NACA: variants seen among roughly 807,000 people sequenced by gnomAD.
The protein encoded by NACA is nascent polypeptide-associated complex subunit alpha.
In NACA, 42 loss-of-function variants were observed where a neutral mutation model predicts 86.4. The ratio of observed to expected loss-of-function variants is 0.49; its 90% CI spans 0.38 to 0.63. The LOEUF (loss-of-function observed/expected upper bound fraction) is 0.63. NACA is among the 20% of genes least tolerant of loss of function. The pLI, the probability that NACA is intolerant of heterozygous loss-of-function variation, is 0.00. For synonymous variants in NACA, 898 were observed against 973.7 expected (o/e 0.92, Z 1.45); for missense variants, 2,157 against 2,483.6 (o/e 0.87, Z 2.80).
Position 56,720,795 on chromosome 12 carries a change from T to C in NACA, c.735A>G (p.Gln245=). 1 of 1,613,864 alleles carries C rather than the reference T, an allele frequency of 6.2e-7. No individual in the cohort carries two copies. Residue 245 remains glutamine (Q), a synonymous_variant, in exon 3 of 9, where the codon CAA becomes CAG. Transcript: ENST00000454682. The part of the protein sequence containing the change: ...PTTTLAIASP[Q]VKDTTISSVL... ...CTGAGGAAATGGTGGTATCTTTGAC[T>C]TGAGGGGAAGCGATGGCTAGGGTAG...
Position 56,712,451 on chromosome 12 carries a change from A to C in NACA, c.*87T>G, listed in dbSNP as rs1398681995. 2.0e-5 allele frequency: 28 copies of C among 1,384,436 alleles called. No individual in the cohort carries two copies. The highest frequency in any genetic ancestry group is 4.0e-6 in the Non-Finnish European group (4 of 989,172). The allele number at this position is 1,384,436 out of a possible 1,614,324, so 85.8% of individuals were successfully genotyped here. On this transcript the variant is annotated 3_prime_UTR_variant, in exon 9 of 9. Transcript: ENST00000454682. ...CTGAATTCATCCAACAAGAAGCCAT[A>C]ACTTTATTTATGATAGAAACAGTAC...
At position 56,719,085 on chromosome 12, in the gene NACA, A is replaced by G; in HGVS notation, c.2445T>C (p.Ala815=). ...GATTTCCAATAGGAGTATCAGGGCC[A>G]GCAGAACCCTTCTTGGTTGGAGGTC... ...TKRPPTKKGS[A]GPDTPIGNLS... is the part of the protein sequence containing the mutation. The change falls in exon 3 of 9, where the codon GCT becomes GCC. Residue 815 remains alanine, a synonymous_variant. Transcript: ENST00000454682. 6.9e-7 allele frequency: 1 copy of G among 1,451,120 alleles called. No homozygotes were observed. The highest frequency in any genetic ancestry group is 9.3e-7 in the Non-Finnish European group (1 of 1,073,830). 89.9% of individuals were successfully genotyped at this position (1,451,120 alleles called of 1,614,324 possible).
At chr12:56,724,561 G>A in intron 1 of NACA, 38 bp from the exon 2 acceptor site, 1 of 1,588,642 alleles carries the variant, frequency 6.3e-7, no homozygotes, top group Non-Finnish European at 8.6e-7. Context: ...TAAATTGATT[G>A]GGATACATTC....
chr12:56,724,241 G>C (rs559439219), intron 2 of NACA, among the ~76,000 whole-genome samples: 5 of 152,280 alleles, frequency 3.3e-5, no homozygotes, highest in Non-Finnish European at 7.4e-5. Context: ...AAGCAAGCTA[G>C]GGTACTTTTA....
intron 1 of NACA, 47 bp downstream of exon 1, chr12:56,725,216 A>C (rs1953684554): frequency 6.6e-6 from 1 of 152,574 alleles, no homozygotes; most frequent in South Asian, 2.1e-4. Flanking sequence ...GCCCGAAAGA[A>C]AGGCGGATGG....
rs755470643 is a variant in NACA at position 56,721,101 on chromosome 12, A to G, written c.429T>C (p.Ala143=). Residue 143 remains alanine (A), a synonymous_variant, in exon 3 of 9, where the codon GCT becomes GCC. Coordinates refer to ENST00000454682, the MANE Select transcript of NACA (RefSeq NM_001365896.1). ...SSAPLALVAL[A]PHSVQKSSAF... is the part of the protein sequence containing the mutation. Reference sequence around the variant, plus strand: ...CAGAACTCTTCTGAACTGAGTGGGGAGCCAGGGCAACCAGAGCTAAGGGAG... The same window carrying G: ...CAGAACTCTTCTGAACTGAGTGGGGGGCCAGGGCAACCAGAGCTAAGGGAG... 6.2e-7 allele frequency: 1 copy of G among 1,613,868 alleles called. No individual in the cohort carries two copies. The highest frequency in any genetic ancestry group is 8.5e-7 in the Non-Finnish European group (1 of 1,179,854).
At position 56,715,942 on chromosome 12, in the gene NACA, G is replaced by A; in HGVS notation, c.5588C>T (p.Pro1863Leu). Residue 1863 changes from proline to leucine, a missense_variant, in exon 3 of 9, where the codon CCC becomes CTC. Pro to Leu is a moderately conservative substitution (Grantham distance 98, BLOSUM62 -3). Coordinates refer to ENST00000454682, the MANE Select transcript of NACA (RefSeq NM_001365896.1). ...AGGGATTCCAGCAGATTTAGGGGTG[G>A]GCATGTTGACGAGGACCGACTGGAA... is the stretch of plus-strand genomic sequence containing the variant. Reference protein sequence around the residue: ...VPFQSVLVNMPTPKSAGIPVP... With the variant: ...VPFQSVLVNMLTPKSAGIPVP... The A allele has an allele frequency of 6.5e-7, 1 of 1,533,664 alleles. No individual in the cohort carries two copies. Among genetic ancestry groups the A allele is most frequent in the Non-Finnish European group, 8.8e-7 (1 of 1,140,196 alleles).
rs766001440 is a variant in NACA, at chr12:56,719,847, C to T, written c.1683G>A (p.Pro561=). The T allele has an allele frequency of 1.4e-5, 23 of 1,613,404 alleles. No homozygotes were observed. Among genetic ancestry groups the T allele is most frequent in the South Asian group, 2.2e-5 (2 of 91,062 alleles). ...LTTKKDPTVL[P]LVQAAPKNSP... Reference sequence around the variant, plus strand: ...AATTTTTAGGGGCTGCCTGGACTAACGGTAATACAGTAGGGTCTTTCTTGG... The same window carrying T: ...AATTTTTAGGGGCTGCCTGGACTAATGGTAATACAGTAGGGTCTTTCTTGG... Residue 561 remains proline (P), a synonymous_variant, in exon 3 of 9, where the codon CCG becomes CCA. Coordinates refer to ENST00000454682, the MANE Select transcript of NACA (RefSeq NM_001365896.1).
chr12:56,724,385 T>C (rs1471876345), intron 2 of NACA, 67 bp downstream of exon 2: 3 of 1,491,666 alleles, frequency 2.0e-6, no homozygotes, highest in African/African-American at 2.8e-5. Flanking sequence ...TTCCCCTTGG[T>C]CATTTTGCCC....
rs370947040 is a variant in NACA, at chr12:56,717,126, T to A, written c.4404A>T (p.Pro1468=). ...TPSSKGDPTL[P]AVTPPSPKEP... ...CCTTGGGGGAAGGAGGAGTCACTGCTGGGAGGGTGGGATCCCCTTTGGAGG... is the reference window on the plus strand; with the variant it reads ...CCTTGGGGGAAGGAGGAGTCACTGCAGGGAGGGTGGGATCCCCTTTGGAGG... The change falls in exon 3 of 9, where the codon CCA becomes CCT. Residue 1468 remains proline, a synonymous_variant. Transcript: ENST00000454682. 20 of 1,267,028 alleles carry A rather than the reference T, an allele frequency of 1.6e-5. No homozygotes were observed. Among genetic ancestry groups the A allele is most frequent in the Middle Eastern group, 4.4e-4 (2 of 4,496 alleles). 78.5% of individuals were successfully genotyped at this position (1,267,028 alleles called of 1,614,324 possible). A position where few individuals can be genotyped will look rare whatever the true frequency, so the allele number is the denominator to read the frequency against.
intron 6 of NACA, 90 bp from the exon 7 acceptor site, chr12:56,713,280 T>TC: frequency 2.7e-6 from 4 of 1,482,828 alleles, no homozygotes; most frequent in Non-Finnish European, 3.7e-6. Flanking sequence ...GTAAACCCAT[T>TC]CAGGTAACTT....
rs755078945 is a variant in NACA, at chr12:56,719,022, A to T, written c.2508T>A (p.Leu836=). ...SPVSPVEASF[L]PENSLSFQGS... is the part of the protein sequence containing the mutation. ...CTTGGAAAGAAAGACTATTCTCTGG[A>T]AGAAATGAAGCTTCAACTGGAGAAA... The change falls in exon 3 of 9, where the codon CTT becomes CTA. Residue 836 remains leucine, a synonymous_variant. Transcript: ENST00000454682. 1 of 1,447,810 alleles carries T rather than the reference A, an allele frequency of 6.9e-7. No individual in the cohort carries two copies. The highest frequency in any genetic ancestry group is 9.3e-7 in the Non-Finnish European group (1 of 1,071,548). The allele number at this position is 1,447,810 out of a possible 1,614,324, so 89.7% of individuals were successfully genotyped here.
chr12:56,724,565 T>G, intron 1 of NACA, 42 bp from the exon 2 acceptor site: 2 of 1,572,758 alleles, frequency 1.3e-6, no homozygotes, highest in Non-Finnish European at 1.7e-6. Context: ...TTGATTGGGA[T>G]ACATTCACTT....
In NACA at chr12:56,719,350, G is replaced by T; in HGVS notation, c.2180C>A (p.Ala727Asp). Residue 727 changes from alanine (A) to aspartate (D), a missense_variant, in exon 3 of 9, where the codon GCC becomes GAC. By Grantham distance (126) the Ala-to-Asp change is moderately radical. Around this residue, in one of 8 missense-constraint regions of NACA, gnomAD observed 947 missense variants for 917.9 expected, o/e 1.03. Transcript: ENST00000454682. Reference sequence around the variant, plus strand: ...GGGCACAGACTTTGGGATTTCAGGGGCCAGCACTAAGGTAGCCAGAGGAGC... The same window carrying T: ...GGGCACAGACTTTGGGATTTCAGGGTCCAGCACTAAGGTAGCCAGAGGAGC... ...TCAPLATLVL[A>D]PEIPKSVPSP... is the part of the protein sequence containing the mutation. 6.2e-7 allele frequency: 1 copy of T among 1,608,724 alleles called. No homozygotes were observed. The highest frequency in any genetic ancestry group is 8.5e-7 in the Non-Finnish European group (1 of 1,177,290).
In NACA at chr12:56,719,629, G is replaced by A. The variant is rs771370826; in HGVS notation, c.1901C>T (p.Pro634Leu). Residue 634 changes from proline (P) to leucine (L), a missense_variant, in exon 3 of 9, where the codon CCG (proline) becomes CTG (leucine). Transcript: ENST00000454682. ...DSYAGPDSAG[P>L]LLKSSLITPT... ...GGTAATGAGAGAACTTTTGAGAAGC[G>A]GACCAGCAGAGTCTGGGCCTGCATA... 12 of 1,613,846 alleles carry A rather than the reference G, an allele frequency of 7.4e-6. No homozygotes were observed. The highest frequency in any genetic ancestry group is 3.3e-5 in the South Asian group (3 of 91,072).
chr12:56,723,452 TTTA>T, intron 2 of NACA, among the ~76,000 whole-genome samples: 1 of 152,318 alleles, frequency 6.6e-6, no homozygotes, highest in Non-Finnish European at 1.5e-5. Context: ...AGAACAGTAC[TTTA>T]TTTTTTCCCT....
Position 56,719,561 on chromosome 12 carries a change from C to A in NACA, c.1969G>T (p.Gly657Trp), listed in dbSNP as rs766889758. 1.2e-6 allele frequency: 2 copies of A among 1,613,858 alleles called. No individual in the cohort carries two copies. Among genetic ancestry groups the A allele is most frequent in the South Asian group, 2.2e-5 (2 of 91,084 alleles). Residue 657 changes from glycine (G) to tryptophan (W), a missense_variant, in exon 3 of 9, where the codon GGG (glycine) becomes TGG (tryptophan). By Grantham distance (184) the Gly-to-Trp change is radical. Coordinates refer to ENST00000454682, the MANE Select transcript of NACA (RefSeq NM_001365896.1). Reference protein sequence around the residue: ...AFPLESADPAGVAPTTAKGTS... With the variant: ...AFPLESADPAWVAPTTAKGTS... ...CCTTTGGCAGTTGTGGGAGCCACCC[C>A]GGCAGGGTCAGCACTTTCCAAAGGA...
chr12:56,724,613 G>A (rs1207308725), intron 1 of NACA, 90 bp from the exon 2 acceptor site: 11 of 1,394,720 alleles, frequency 7.9e-6, no homozygotes, highest in South Asian at 1.3e-5. Context: ...AAACTCCGAG[G>A]AGGGCTGTTA....
In NACA at chr12:56,719,332, G is replaced by C. The variant is rs777543467; in HGVS notation, c.2198C>G (p.Ser733Cys). ...TLVLAPEIPK[S>C]VPSPSLPPAG... ...TGGGGGAAGAGAGGGTGAGGGCACA[G>C]ACTTTGGGATTTCAGGGGCCAGCAC... The change falls in exon 3 of 9, where the codon TCT becomes TGT. Residue 733 changes from serine (S) to cysteine (C), a missense_variant. Coordinates refer to ENST00000454682, the MANE Select transcript of NACA (RefSeq NM_001365896.1). The C allele has an allele frequency of 6.2e-6, 10 of 1,606,954 alleles. No individual in the cohort carries two copies. Among genetic ancestry groups the C allele is most frequent in the Non-Finnish European group, 8.5e-6 (10 of 1,176,180 alleles).
Sources: gnomAD v4.1 joint callset for allele counts (sites outside exome capture counted in the v4.1 genomes callset) on GRCh38, gnomAD v4.1.1 for gene constraint, gnomAD v4.1.1 regional missense constraint, MANE v1.5 for transcripts, NCBI Gene and HGNC (gene_info 2026-07-23, HGNC 2026-07-21) for gene names.